The following EPB41L4A variants were observed in gnomAD, a reference collection of about 807,000 sequenced individuals.
EPB41L4A encodes band 4.1-like protein 4A.
EPB41L4A carries 100 observed loss-of-function variants against 108.6 expected under a neutral mutation model. The observed-to-expected ratio is 0.92, with a 90% CI of 0.78 to 1.09. The LOEUF is 1.09. Ranked by LOEUF, EPB41L4A falls within the 50% of genes least tolerant of loss-of-function variation. The pLI is 0.00. For synonymous variants in EPB41L4A, 319 were observed against 289.0 expected (o/e 1.10, Z -1.05); for missense variants, 1,030 against 842.7 (o/e 1.22, Z -2.75).
At chr5:112,365,345 A>C (rs1292883037) in intron 1 of EPB41L4A, among the ~76,000 whole-genome samples, 3 of 152,158 alleles carry the variant, frequency 2.0e-5, no homozygotes, top group Non-Finnish European at 4.4e-5. Flanking sequence ...CTCCAGGCAC[A>C]CCTAGCTTTC....
intron 2 of EPB41L4A, among the ~76,000 whole-genome samples, chr5:112,287,926 T>G (rs956254076): frequency 6.6e-6 from 1 of 152,180 alleles, no homozygotes; most frequent in Non-Finnish European, 1.5e-5. Flanking sequence ...AAGAGAGAGA[T>G]AAGCTAAAAA....
In EPB41L4A at chr5:112,253,934, T is replaced by C. The variant is rs979131540; in HGVS notation, c.795+5295A>G. Among the ~76,000 whole-genome samples the C allele has an allele frequency of 4.6e-5, 7 of 152,330 alleles. No homozygotes were observed. In the South Asian group the frequency reaches 8.3e-4, roughly 18 times the overall value. ...ACGTAAGTGAGACCTCTTGCGCTTG[T>C]TGACAAACAGTGATGACTCCTGGCC... On this transcript the variant is annotated intron_variant, in intron 9 of 22. Coordinates refer to ENST00000261486, the MANE Select transcript of EPB41L4A (RefSeq NM_022140.5).
chr5:112,269,702 T>A lies in EPB41L4A; in HGVS notation c.336-3372A>T, dbSNP rs1347617271. On this transcript the variant is annotated intron_variant, in intron 4 of 22. Coordinates refer to ENST00000261486, the MANE Select transcript of EPB41L4A (RefSeq NM_022140.5). Reference sequence around the variant, plus strand: ...TCTAAAGTGTCAGGAGTTTGGACAATAAATTATACTGTGACTCTAGTTACA... The same window carrying A: ...TCTAAAGTGTCAGGAGTTTGGACAAAAAATTATACTGTGACTCTAGTTACA... 2.0e-5 allele frequency among the ~76,000 whole-genome samples: 3 copies of A among 152,172 alleles called. No homozygotes were observed. The East Asian group carries it at 5.8e-4, about 29-fold the overall frequency.
chr5:112,329,363 A>G (rs1463080893), intron 1 of EPB41L4A, among the ~76,000 whole-genome samples: 1 of 152,180 alleles, frequency 6.6e-6, no homozygotes, highest in African/African-American at 2.4e-5. Flanking sequence ...TTACCAAAGG[A>G]ACACAACTGC....
At position 112,307,429 on chromosome 5, in the gene EPB41L4A, A is replaced by G. The variant is rs1159277106; in HGVS notation, c.161T>C (p.Ile54Thr). 4 of 1,613,358 alleles carry G rather than the reference A, an allele frequency of 2.5e-6. No individual in the cohort carries two copies. The highest frequency in any genetic ancestry group is 2.5e-6 in the Non-Finnish European group (3 of 1,179,416). The change falls in exon 2 of 23, where the codon ATA (isoleucine) becomes ACA (threonine). Residue 54 changes from isoleucine to threonine, a missense_variant. Transcript: ENST00000261486. ...ACAGTAACGTAGCCCAAAATAATCT[A>G]TCTCCACAAGGTTTACGTGATGGAA... ...HVFHHVNLVEIDYFGLRYCDR... is the reference protein window; with the variant it reads ...HVFHHVNLVETDYFGLRYCDR...
At chr5:112,405,007 C>A (rs1302325540) in intron 1 of EPB41L4A, among the ~76,000 whole-genome samples, 1 of 152,190 alleles carries the variant, frequency 6.6e-6, no homozygotes, top group Non-Finnish European at 1.5e-5. Context: ...GTCTGTCTTC[C>A]AGATGGCTTC....
rs549556752 is a variant in EPB41L4A at position 112,181,429 on chromosome 5, C to T, written c.1622+2587G>A. On this transcript the variant is annotated intron_variant, in intron 18 of 22. Transcript: ENST00000261486. ...ACTGGCCACTGCACTCCAGCCTGGG[C>T]GACAGAGCGAGACTCTGTCTCAAAA... Among the ~76,000 whole-genome samples, 6 of 151,426 alleles carry T rather than the reference C, an allele frequency of 4.0e-5. No individual in the cohort carries two copies. The East Asian group carries it at 9.7e-4, about 25-fold the overall frequency.
chr5:112,347,967 C>T (rs939862859), intron 1 of EPB41L4A, among the ~76,000 whole-genome samples: 1 of 152,242 alleles, frequency 6.6e-6, no homozygotes, highest in South Asian at 2.1e-4. Context: ...TTCAAAGGCT[C>T]CCTACTGCTT....
chr5:112,240,622 C>A, intron 10 of EPB41L4A, 97 bp downstream of exon 10: 1 of 658,190 alleles, frequency 1.5e-6, no homozygotes. Flanking sequence ...AAAAGGGAAA[C>A]AATTCCAAAT....
At chr5:112,296,582 CAATA>C (rs908506632) in intron 2 of EPB41L4A, among the ~76,000 whole-genome samples, 6 of 152,036 alleles carry the variant, frequency 3.9e-5, no homozygotes, top group Non-Finnish European at 8.8e-5. Context: ...GATGCGCTTC[CAATA>C]AATACTTATA....
rs533582975 is a variant in EPB41L4A, at chr5:112,286,475, A to C, written c.205-6152T>G. On this transcript the variant is annotated intron_variant, in intron 2 of 22. Coordinates refer to ENST00000261486, the MANE Select transcript of EPB41L4A (RefSeq NM_022140.5). ...TCTTGACACTTTCTCCTCTGTCCTT[A>C]AACTTCCAACAACTCCTTTCCCTTC... is the stretch of plus-strand genomic sequence containing the variant. Among the ~76,000 whole-genome samples the C allele has an allele frequency of 2.6e-5, 4 of 152,292 alleles. No individual in the cohort carries two copies. In the South Asian group the frequency reaches 8.3e-4, roughly 32 times the overall value.
At chr5:112,268,950 G>T (rs927426329) in intron 4 of EPB41L4A, among the ~76,000 whole-genome samples, 3 of 151,028 alleles carry the variant, frequency 2.0e-5, no homozygotes, top group Admixed American at 2.0e-4. Flanking sequence ...AAGGAAAGAG[G>T]AACAGAGGAA....
At chr5:112,301,305 A>G (rs930112639) in intron 2 of EPB41L4A, among the ~76,000 whole-genome samples, 17 of 152,106 alleles carry the variant, frequency 1.1e-4, no homozygotes, top group African/African-American at 4.1e-4. Context: ...TCTGGAACTT[A>G]AGGCTGCTGT....
intron 1 of EPB41L4A, among the ~76,000 whole-genome samples, chr5:112,331,031 C>T (rs887722854): frequency 3.9e-5 from 6 of 152,164 alleles, no homozygotes; most frequent in Non-Finnish European, 8.8e-5. Flanking sequence ...AGCTACCTTT[C>T]TCTTCTTAAA....
At chr5:112,265,327 A>C (rs1295207058) in intron 5 of EPB41L4A, among the ~76,000 whole-genome samples, 1 of 152,248 alleles carries the variant, frequency 6.6e-6, no homozygotes, top group Non-Finnish European at 1.5e-5. Flanking sequence ...TTTCAAGTAC[A>C]AACATTAGAA....
intron 4 of EPB41L4A, among the ~76,000 whole-genome samples, chr5:112,270,900 A>G (rs1752220255): frequency 6.6e-6 from 1 of 152,248 alleles, no homozygotes; most frequent in Non-Finnish European, 1.5e-5. Context: ...TTGAGACTCT[A>G]AAAAATATTA....
intron 1 of EPB41L4A, among the ~76,000 whole-genome samples, chr5:112,400,911 C>A (rs1414570652): frequency 1.3e-5 from 2 of 152,154 alleles, no homozygotes; most frequent in Non-Finnish European, 2.9e-5. Flanking sequence ...TTCCATGGAA[C>A]TGACTGGCTC....
At chr5:112,408,621 T>G (rs1423792005) in intron 1 of EPB41L4A, among the ~76,000 whole-genome samples, 1 of 127,924 alleles carries the variant, frequency 7.8e-6, no homozygotes, top group African/African-American at 3.0e-5. Context: ...TTTGGGAGAA[T>G]CAGTTGAGGC....
chr5:112,222,180 CA>C (rs1748110112), intron 12 of EPB41L4A, among the ~76,000 whole-genome samples: 1 of 152,178 alleles, frequency 6.6e-6, no homozygotes, highest in African/African-American at 2.4e-5. Flanking sequence ...ATGGTCTTCT[CA>C]AGAGTATTTG....
Sources: gnomAD v4.1 joint callset for allele counts (sites outside exome capture counted in the v4.1 genomes callset) on GRCh38, gnomAD v4.1.1 for gene constraint, MANE v1.5 for transcripts, NCBI Gene and HGNC (gene_info 2026-07-23, HGNC 2026-07-21) for gene names.